The following TMEM243 variants were observed in gnomAD, a reference collection of about 807,000 sequenced individuals.
TMEM243 encodes the protein transmembrane protein 243, also known as MDR1 and mitochondrial taxol resistance associated.
A neutral mutation model predicts 15.0 loss-of-function variants in TMEM243; 20 were observed. The observed-to-expected ratio is 1.33, with a 90% CI of 0.94 to 1.93. The LOEUF (loss-of-function observed/expected upper bound fraction) is 1.93, where lower values mean the gene tolerates loss of function less well. Ranked by LOEUF, TMEM243 falls within the 30% of genes most tolerant of loss-of-function variation. The probability of loss-of-function intolerance (pLI) is 0.00; values close to 1 mark genes in which losing one functional copy is unlikely to be tolerated. For synonymous variants in TMEM243, 72 were observed against 52.7 expected (o/e 1.37, Z -1.59); for missense variants, 156 against 142.1 (o/e 1.10, Z -0.50).
At chr7:87,201,937 G>A (rs1448488828) in intron 1 of TMEM243, among the ~76,000 whole-genome samples, 2 of 152,138 alleles carry the variant, frequency 1.3e-5, no homozygotes, top group Non-Finnish European at 2.9e-5. Flanking sequence ...CCTGCTGAGA[G>A]GACAGGATAC....
intron 1 of TMEM243, among the ~76,000 whole-genome samples, chr7:87,208,624 T>C (rs551484306): frequency 6.6e-6 from 1 of 152,354 alleles, no homozygotes; most frequent in South Asian, 2.1e-4. Flanking sequence ...TACTCCTCTG[T>C]CTCTTCCTCT....
intron 3 of TMEM243, 34 bp downstream of exon 3, chr7:87,197,907 C>CT: frequency 1.2e-6 from 2 of 1,612,566 alleles, no homozygotes; most frequent in Non-Finnish European, 1.7e-6. Flanking sequence ...CTTAAACCCT[C>CT]AAGAACACTG....
chr7:87,209,118 C>T (rs1330743804), intron 1 of TMEM243, among the ~76,000 whole-genome samples: 1 of 152,238 alleles, frequency 6.6e-6, no homozygotes, highest in Non-Finnish European at 1.5e-5. Context: ...GGTTCCCAGT[C>T]CTACCCTTGA....
rs367952193 is a variant in TMEM243 at position 87,213,429 on chromosome 7, G to A, written c.78+5997C>T. On this transcript the variant is annotated intron_variant, in intron 1 of 3. Transcript: ENST00000257637. ...ACCTTTGGGTGACTAACCCTCCTTT[G>A]AGAGAAATAGCTGTGCTTGATCACC... Among the ~76,000 whole-genome samples the A allele has an allele frequency of 1.7e-3, 256 of 152,318 alleles. 1 individual carries two copies. In the Middle Eastern group the frequency reaches 0.027, roughly 16 times the overall value.
Position 87,219,508 on chromosome 7 carries a change from G to C in TMEM243, c.-5C>G, listed in dbSNP as rs1236258824. On this transcript the variant is annotated 5_prime_UTR_variant, in exon 1 of 4. Transcript: ENST00000257637. ...CCTGGTAGCAAAGTCCTCCATTTTG[G>C]GGTTTCTTCACTTTCCCCAAGCCAC... 6.2e-7 allele frequency: 1 copy of C among 1,613,976 alleles called. No homozygotes were observed. Among genetic ancestry groups the C allele is most frequent in the Non-Finnish European group, 8.5e-7 (1 of 1,179,972 alleles).
At chr7:87,198,912 C>A in intron 2 of TMEM243, 95 bp downstream of exon 2, 1 of 1,118,464 alleles carries the variant, frequency 8.9e-7, no homozygotes. Flanking sequence ...AAATTAAAAG[C>A]ACTTATTTAG....
intron 2 of TMEM243, chr7:87,198,730 A>C: frequency 2.1e-6 from 1 of 471,476 alleles, no homozygotes; most frequent in Non-Finnish European, 3.8e-6. Flanking sequence ...AGATGACAGA[A>C]GGAAGTGGCT....
intron 1 of TMEM243, among the ~76,000 whole-genome samples, chr7:87,213,329 T>C (rs1278056514): frequency 6.6e-6 from 1 of 152,240 alleles, no homozygotes; most frequent in African/African-American, 2.4e-5. Context: ...TTTTCTTAAT[T>C]ACTTTTCTAG....
At chr7:87,209,505 TGAGA>T in intron 1 of TMEM243, among the ~76,000 whole-genome samples, 1 of 104,250 alleles carries the variant, frequency 9.6e-6, no homozygotes, top group African/African-American at 4.0e-5. Context: ...AGAGAGAGAG[TGAGA>T]AAGACAGTGA....
At chr7:87,198,739 C>A in intron 2 of TMEM243, 1 of 481,818 alleles carries the variant, frequency 2.1e-6, no homozygotes, top group Non-Finnish European at 3.7e-6. Flanking sequence ...AAGGAAGTGG[C>A]TACTAGCCAC....
intron 1 of TMEM243, among the ~76,000 whole-genome samples, chr7:87,202,051 A>G (rs1274015196): frequency 6.6e-6 from 1 of 152,194 alleles, no homozygotes; most frequent in Non-Finnish European, 1.5e-5. Context: ...GTGTGCATAC[A>G]TACATGTATA....
chr7:87,198,106 C>T, intron 2 of TMEM243, 61 bp from the exon 3 acceptor site: 3 of 1,412,532 alleles, frequency 2.1e-6, no homozygotes, highest in South Asian at 1.3e-5. Context: ...TAATTACCAA[C>T]TGGAGTCTAG....
chr7:87,205,510 G>T (rs1802148847), intron 1 of TMEM243, among the ~76,000 whole-genome samples: 1 of 152,090 alleles, frequency 6.6e-6, no homozygotes, highest in South Asian at 2.1e-4. Context: ...ATGCTTTGCT[G>T]CTTAGAAATT....
chr7:87,211,494 T>C (rs1802745670), intron 1 of TMEM243, among the ~76,000 whole-genome samples: 2 of 152,210 alleles, frequency 1.3e-5, no homozygotes, highest in Admixed American at 1.3e-4. Context: ...CAAGCAAACT[T>C]AAGGGTCCCA....
At chr7:87,197,857 A>G (rs759590534) in intron 3 of TMEM243, 84 bp downstream of exon 3, 10 of 1,600,392 alleles carry the variant, frequency 6.2e-6, no homozygotes, top group African/African-American at 4.0e-5. Context: ...ACCCTTTTGT[A>G]TAGACCCAAG....
At chr7:87,198,192 G>C in intron 2 of TMEM243, 147 bp from the exon 3 acceptor site, 1 of 585,600 alleles carries the variant, frequency 1.7e-6, no homozygotes, top group Admixed American at 3.3e-5. Context: ...TGTTAATACA[G>C]TAATTATAAA....
intron 1 of TMEM243, among the ~76,000 whole-genome samples, chr7:87,209,454 GAC>G (rs1802455850): frequency 6.6e-6 from 1 of 150,832 alleles, no homozygotes; most frequent in African/African-American, 2.4e-5. Context: ...GAGACAGTGA[GAC>G]AGACAGAGTG....
chr7:87,209,910 CAGAGAG>C (rs367685559), intron 1 of TMEM243, among the ~76,000 whole-genome samples: 1 of 126,240 alleles, frequency 7.9e-6, no homozygotes, highest in African/African-American at 3.2e-5. Context: ...GAGTGAGAGA[CAGAGAG>C]AGAGGACAGT....
chr7:87,197,830 G>C, intron 3 of TMEM243, 111 bp downstream of exon 3: 1 of 1,565,206 alleles, frequency 6.4e-7, no homozygotes, highest in Non-Finnish European at 8.6e-7. Context: ...GGGAGGATGA[G>C]GATATAATTA....
Sources: gnomAD v4.1 joint callset for allele counts (sites outside exome capture counted in the v4.1 genomes callset) on GRCh38, gnomAD v4.1.1 for gene constraint, MANE v1.5 for transcripts, NCBI Gene and HGNC (gene_info 2026-07-23, HGNC 2026-07-21) for gene names.